ZMIZ1: variants seen among roughly 807,000 people sequenced by gnomAD.
ZMIZ1 encodes zinc finger MIZ domain-containing protein 1.
A neutral mutation model predicts 113.9 loss-of-function variants in ZMIZ1; 17 were observed. That is an observed-to-expected ratio of 0.15 (90% CI 0.10 to 0.22). ZMIZ1 has a LOEUF of 0.22. Ranked by LOEUF, ZMIZ1 falls within the 10% of genes least tolerant of loss-of-function variation. The pLI, the probability that ZMIZ1 is intolerant of heterozygous loss-of-function variation, is 1.00. For synonymous variants in ZMIZ1, 607 were observed against 603.1 expected (o/e 1.01, Z -0.09); for missense variants, 1,059 against 1,477.8 (o/e 0.72, Z 4.65).
At chr10:79,241,785 GGGCCAGCCAGA>G (rs1320715174) in intron 7 of ZMIZ1, among the ~76,000 whole-genome samples, 5 of 152,172 alleles carry the variant, frequency 3.3e-5, no homozygotes, top group Non-Finnish European at 7.3e-5. Context: ...GAAGGTTTAG[GGGCCAGCCAGA>G]GGCTGAGGCT....
At chr10:79,137,117 G>A (rs950297436) in intron 2 of ZMIZ1, among the ~76,000 whole-genome samples, 39 of 152,176 alleles carry the variant, frequency 2.6e-4, no homozygotes, top group Admixed American at 1.3e-3. Context: ...ATAAGCCTCA[G>A]GCCCTGCAAC....
rs747197174 is a variant in ZMIZ1, at chr10:79,139,709, C to T, written c.-199C>T. On this transcript the variant is annotated 5_prime_UTR_variant, in exon 3 of 25. Coordinates refer to ENST00000334512, the MANE Select transcript of ZMIZ1 (RefSeq NM_020338.4). ...GGAAGAGGAGGAGGCCCGTTGGCGT[C>T]GGACCAATGCTGCAAGGGGTGTGAG... is the stretch of plus-strand genomic sequence containing the variant. The T allele has an allele frequency of 2.8e-5, 11 of 398,712 alleles. No homozygotes were observed. Among genetic ancestry groups the T allele is most frequent in the South Asian group, 1.3e-4 (1 of 7,866 alleles). The allele number at this position is 398,712 out of a possible 1,614,324, so 24.7% of individuals were successfully genotyped here.
chr10:79,121,429 G>C (rs1378683101), intron 2 of ZMIZ1, among the ~76,000 whole-genome samples: 2 of 152,210 alleles, frequency 1.3e-5, no homozygotes, highest in Non-Finnish European at 2.9e-5. Context: ...TTCTGACCTA[G>C]TATTCCCAGG....
intron 8 of ZMIZ1, among the ~76,000 whole-genome samples, chr10:79,277,785 C>T (rs898735461): frequency 3.3e-5 from 5 of 152,228 alleles, no homozygotes; most frequent in African/African-American, 1.2e-4. Context: ...CAGGCATGGG[C>T]TTGCTGGAGG....
chr10:79,282,579 G>A (rs556315540), intron 8 of ZMIZ1, among the ~76,000 whole-genome samples: 2 of 152,332 alleles, frequency 1.3e-5, no homozygotes, highest in South Asian at 4.1e-4. Context: ...ACTGCGGCAT[G>A]AGGCTGTGAG....
At chr10:79,086,894 G>C (rs1842831857) in intron 1 of ZMIZ1, among the ~76,000 whole-genome samples, 1 of 151,932 alleles carries the variant, frequency 6.6e-6, no homozygotes, top group South Asian at 2.1e-4. Context: ...TTATTTACCT[G>C]GTCTGTGCAA....
rs1018493425 is a variant in ZMIZ1 at position 79,312,924 on chromosome 10, C to T, written c.*175C>T. On this transcript the variant is annotated 3_prime_UTR_variant, in exon 25 of 25. Transcript: ENST00000334512. ...TCAGAACAGAGGGGTAGGGAGGGTG[C>T]ACCAGTGCACCAGGAAGGCTGTGTG... The T allele has an allele frequency of 8.2e-6, 5 of 608,466 alleles. No individual in the cohort carries two copies. The East Asian group carries it at 1.4e-4, about 17-fold the overall frequency. 37.7% of individuals were successfully genotyped at this position (608,466 alleles called of 1,614,324 possible). A position where few individuals can be genotyped will look rare whatever the true frequency, so the allele number is the denominator to read the frequency against.
chr10:79,104,117 C>T (rs1359130992), intron 1 of ZMIZ1, among the ~76,000 whole-genome samples: 3 of 152,190 alleles, frequency 2.0e-5, no homozygotes, highest in South Asian at 2.1e-4. Flanking sequence ...TTCATCTGGT[C>T]ACCAGACAAT....
At chr10:79,200,920 C>T (rs1430969962) in intron 4 of ZMIZ1, among the ~76,000 whole-genome samples, 2 of 152,162 alleles carry the variant, frequency 1.3e-5, no homozygotes, top group African/African-American at 2.4e-5. Context: ...CACATACACA[C>T]GTACACACAC....
At chr10:79,255,441 A>C (rs1056110052) in intron 7 of ZMIZ1, among the ~76,000 whole-genome samples, 2 of 152,216 alleles carry the variant, frequency 1.3e-5, no homozygotes, top group African/African-American at 4.8e-5. Context: ...TTCCCCTAGC[A>C]TATCTGTGGC....
At chr10:79,164,726 G>A (rs1454296257) in intron 4 of ZMIZ1, among the ~76,000 whole-genome samples, 1 of 152,206 alleles carries the variant, frequency 6.6e-6, no homozygotes, top group East Asian at 1.9e-4. Flanking sequence ...TCCTGCAGAG[G>A]TGGTGAGTTC....
At chr10:79,115,922 A>G (rs766386992) in intron 1 of ZMIZ1, among the ~76,000 whole-genome samples, 9 of 152,344 alleles carry the variant, frequency 5.9e-5, no homozygotes, top group Admixed American at 4.6e-4. Flanking sequence ...CTGGCATTAC[A>G]ACTCTTCCTT....
At chr10:79,236,612 C>T (rs1344359979) in intron 7 of ZMIZ1, among the ~76,000 whole-genome samples, 1 of 152,142 alleles carries the variant, frequency 6.6e-6, no homozygotes, top group Non-Finnish European at 1.5e-5. Flanking sequence ...CTTTGTTAAC[C>T]AGCCTGAGCT....
At chr10:79,295,319 G>T (rs747024757) in intron 12 of ZMIZ1, 1 of 152,222 alleles carries the variant, frequency 6.6e-6, no homozygotes, top group African/African-American at 2.4e-5. Flanking sequence ...CACACCAAAG[G>T]CTCTCCATAT....
intron 7 of ZMIZ1, among the ~76,000 whole-genome samples, chr10:79,243,456 G>C (rs1407092317): frequency 6.7e-6 from 1 of 148,884 alleles, no homozygotes; most frequent in African/African-American, 2.4e-5. Context: ...GCGGTAGCCG[G>C]ACGGCGGCGG....
intron 7 of ZMIZ1, among the ~76,000 whole-genome samples, chr10:79,224,635 G>A (rs1849128748): frequency 6.6e-6 from 1 of 152,226 alleles, no homozygotes; most frequent in Non-Finnish European, 1.5e-5. Flanking sequence ...GCCCTCAGCA[G>A]CCCACCCCCT....
chr10:79,247,867 G>T (rs989660757), intron 7 of ZMIZ1, among the ~76,000 whole-genome samples: 47 of 152,320 alleles, frequency 3.1e-4, no homozygotes, highest in Admixed American at 3.1e-3. Context: ...CCCAACACTA[G>T]CCCTGAAGTG....
intron 16 of ZMIZ1, 83 bp downstream of exon 16, chr10:79,299,274 T>C (rs1854133963): frequency 6.6e-7 from 1 of 1,513,562 alleles, no homozygotes; most frequent in South Asian, 1.3e-5. Context: ...AGTGGGGCCC[T>C]GGGCAGGGGG....
chr10:79,283,644 CAAAA>C (rs1314887235), intron 8 of ZMIZ1, among the ~76,000 whole-genome samples: 1 of 151,908 alleles, frequency 6.6e-6, no homozygotes, highest in Admixed American at 6.5e-5. Context: ...ATTTTAAAAA[CAAAA>C]AAAGAAGGAA....
Sources: allele counts gnomAD v4.1 joint callset (sites outside exome capture counted in the v4.1 genomes callset), GRCh38; gene constraint gnomAD v4.1.1; transcripts MANE v1.5; gene names NCBI Gene and HGNC (gene_info 2026-07-23, HGNC 2026-07-21).